The following OTOGL variants were observed in gnomAD, a reference collection of about 807,000 sequenced individuals.
OTOGL encodes otogelin-like protein.
In OTOGL, 285 loss-of-function variants were observed where a neutral mutation model predicts 318.5. The observed-to-expected ratio is 0.89, with a 90% confidence interval of 0.81 to 0.99. The LOEUF (loss-of-function observed/expected upper bound fraction) is 0.99. OTOGL is among the 50% of genes least tolerant of loss of function. The pLI, the probability that OTOGL is intolerant of heterozygous loss-of-function variation, is 0.00. For synonymous variants in OTOGL, 987 were observed against 936.5 expected, an observed-to-expected ratio of 1.05 and a Z score of -0.99; for missense variants, 2,899 against 2,845.6, an observed-to-expected ratio of 1.02 and a Z score of -0.43.
Position 80,355,748 on chromosome 12 carries a change from G to A in OTOGL, c.5606G>A (p.Ser1869Asn), listed in dbSNP as rs1889849587. The A allele has an allele frequency of 6.2e-7, 1 of 1,613,156 alleles. No individual in the cohort carries two copies. The highest frequency in any genetic ancestry group is 8.5e-7 in the Non-Finnish European group (1 of 1,179,384). ...TGATCTTTTTAAGCATGCACTGATA[G>A]TGAAGACCAACCCCGCACTGCTGGG... ...IPEKECACTDSEDQPRTAGEI... is the reference protein window; with the variant it reads ...IPEKECACTDNEDQPRTAGEI... Residue 1869 changes from serine to asparagine, a missense_variant, in exon 47 of 59, where the codon AGT becomes AAT. Around this residue, in one of 3 missense-constraint regions of OTOGL, gnomAD observed 2,607 missense variants for 2,524.9 expected, o/e 1.03. Coordinates refer to ENST00000547103, the MANE Select transcript of OTOGL (RefSeq NM_001378609.3).
intron 1 of OTOGL, among the ~76,000 whole-genome samples, chr12:80,107,080 T>C (rs6539487): frequency 0.64 from 97,308 of 151,950 alleles, 31,998 homozygotes; most frequent in African/African-American, 0.79. Context: ...CTTGCTCAGG[T>C]GTCTAGGATC....
chr12:80,191,818 C>A (rs1014618995), intron 1 of OTOGL, among the ~76,000 whole-genome samples: 1 of 152,192 alleles, frequency 6.6e-6, no homozygotes, highest in Non-Finnish European at 1.5e-5. Flanking sequence ...CAAATCATCT[C>A]GCTCTCTTGT....
Position 80,257,877 on chromosome 12 carries a change from A to T in OTOGL, c.1764A>T (p.Thr588=), listed in dbSNP as rs1163197870. The part of the protein sequence containing the change: ...LSSLFILLKT[T]FGLKILFAID... The stretch of plus-strand genomic sequence containing the variant: ...CCTTATTTATACTTCTAAAAACCAC[A>T]TTTGGTTTAAAGATTCTGTTTGCTA... Residue 588 remains threonine, a synonymous_variant, in exon 18 of 59, where the codon ACA becomes ACT. Coordinates refer to ENST00000547103, the MANE Select transcript of OTOGL (RefSeq NM_001378609.3). 1.3e-6 allele frequency: 2 copies of T among 1,593,780 alleles called. No homozygotes were observed. The highest frequency in any genetic ancestry group is 1.7e-6 in the Non-Finnish European group (2 of 1,177,166).
chr12:80,192,386 C>A (rs2137264541), intron 1 of OTOGL, among the ~76,000 whole-genome samples: 1 of 152,348 alleles, frequency 6.6e-6, no homozygotes, highest in Non-Finnish European at 1.5e-5. Context: ...AGGGACCCCT[C>A]CTCCCCATGG....
At position 80,238,850 on chromosome 12, in the gene OTOGL, GAGGACT is replaced by G; in HGVS notation, c.819_824del (p.Glu273_Tyr275delinsAsp). 1 of 1,530,032 alleles carries G rather than the reference GAGGACT, an allele frequency of 6.5e-7. No homozygotes were observed. Among genetic ancestry groups the G allele is most frequent in the South Asian group, 1.2e-5 (1 of 82,142 alleles). 94.8% of individuals were successfully genotyped at this position (1,530,032 alleles called of 1,614,324 possible). A position where few individuals can be genotyped will look rare whatever the true frequency, so the allele number is the denominator to read the frequency against. ...TGTGTGTGTGTGCCTGTGTGAAATA[GAGGACT>G]ATACAGAAGACATCGCTATGTTTGC... On this transcript the variant is annotated inframe_deletion and splice_region_variant, in exon 10 of 59. Coordinates refer to ENST00000547103, the MANE Select transcript of OTOGL (RefSeq NM_001378609.3).
chr12:80,159,416 C>G (rs1400252154), intron 1 of OTOGL, among the ~76,000 whole-genome samples: 1 of 152,050 alleles, frequency 6.6e-6, no homozygotes, highest in Non-Finnish European at 1.5e-5. Context: ...GGTACAAATT[C>G]TCTTTGAATG....
intron 7 of OTOGL, among the ~76,000 whole-genome samples, chr12:80,226,177 A>AACACACACACACACACACACAC (rs35975748): frequency 4.5e-5 from 6 of 132,896 alleles, no homozygotes; most frequent in Non-Finnish European, 6.5e-5. Context: ...TCCTGCTCCT[A>AACACACACACACACACACACAC]ACACACACAC....
rs112430701 is a variant in OTOGL, at chr12:80,271,680, G to A, written c.2551G>A (p.Asp851Asn). ...HICPEGKEYF[D>N]CRFPDPELPA... ...CTGCCCAGAGGGAAAAGAGTATTTC[G>A]ACTGCAGGTTTCCTGACCCTGAATT... is the stretch of plus-strand genomic sequence containing the variant. Residue 851 changes from aspartate (D) to asparagine (N), a missense_variant, in exon 24 of 59, where the codon GAC becomes AAC. By Grantham distance (23) the Asp-to-Asn change is conservative. This residue lies in a region of OTOGL where 2,607 missense variants were observed against 2,524.9 expected (regional missense o/e 1.03). Coordinates refer to ENST00000547103, the MANE Select transcript of OTOGL (RefSeq NM_001378609.3). 290 of 1,612,812 alleles carry A rather than the reference G, an allele frequency of 1.8e-4. No homozygotes were observed. In the African/African-American group the frequency reaches 1.8e-3, roughly 10 times the overall value.
chr12:80,138,792 AG>A (rs1285352141), intron 1 of OTOGL, among the ~76,000 whole-genome samples: 27 of 152,198 alleles, frequency 1.8e-4, no homozygotes, highest in African/African-American at 6.3e-4. Flanking sequence ...TTAAAGTCAG[AG>A]GGGTAAAATT....
intron 4 of OTOGL, 114 bp downstream of exon 4, chr12:80,212,111 A>G: frequency 9.1e-7 from 1 of 1,093,344 alleles, no homozygotes; most frequent in East Asian, 2.7e-5. Flanking sequence ...GCTAAGAACA[A>G]GACAGGAAGG....
At chr12:80,115,967 T>C (rs557223028) in intron 1 of OTOGL, among the ~76,000 whole-genome samples, 4 of 152,144 alleles carry the variant, frequency 2.6e-5, no homozygotes, top group African/African-American at 9.6e-5. Context: ...TTCAAGCCAG[T>C]GGATCTTAGC....
At chr12:80,329,895 G>GGGTA (rs1887963592) in intron 37 of OTOGL, among the ~76,000 whole-genome samples, 2 of 152,174 alleles carry the variant, frequency 1.3e-5, no homozygotes, top group Admixed American at 1.3e-4. Context: ...AGAGGCTGTT[G>GGGTA]CAATCTTACA....
intron 56 of OTOGL, 133 bp from the exon 57 acceptor site, chr12:80,371,886 T>C: frequency 2.3e-6 from 1 of 432,862 alleles, no homozygotes; most frequent in Non-Finnish European, 3.8e-6. Flanking sequence ...AATAGTTAAA[T>C]TCCAACTATT....
intron 4 of OTOGL, among the ~76,000 whole-genome samples, chr12:80,213,915 G>GGGTA (rs1555277633): frequency 6.6e-6 from 1 of 152,194 alleles, no homozygotes; most frequent in Non-Finnish European, 1.5e-5. Context: ...GAGCACCAAT[G>GGGTA]GGTAGATAAG....
At chr12:80,324,812 AT>A (rs909966341) in intron 35 of OTOGL, among the ~76,000 whole-genome samples, 1 of 152,338 alleles carries the variant, frequency 6.6e-6, no homozygotes. Flanking sequence ...AAGTTTTGCC[AT>A]TTTTGGTAGC....
At chr12:80,275,122 C>A in intron 24 of OTOGL, among the ~76,000 whole-genome samples, 1 of 151,842 alleles carries the variant, frequency 6.6e-6, no homozygotes, top group East Asian at 1.9e-4. Context: ...TTTCACAGGG[C>A]TATACCTGCC....
chr12:80,233,132 T>C, intron 9 of OTOGL, 35 bp downstream of exon 9: 3 of 1,520,878 alleles, frequency 2.0e-6, no homozygotes, highest in Non-Finnish European at 2.7e-6. Flanking sequence ...GGGTACCTTC[T>C]AAAGCCTTCT....
At chr12:80,262,228 T>TC in intron 19 of OTOGL, 135 bp downstream of exon 19, 1 of 975,076 alleles carries the variant, frequency 1.0e-6, no homozygotes, top group African/African-American at 1.7e-5. Context: ...ATTCCTCGTG[T>TC]ATTTTTTTTT....
At chr12:80,186,329 C>T (rs140380871) in intron 1 of OTOGL, among the ~76,000 whole-genome samples, 2 of 152,238 alleles carry the variant, frequency 1.3e-5, no homozygotes, top group East Asian at 1.9e-4. Context: ...CCTACTTAGC[C>T]GCGTCTCTCC....
Sources: gnomAD v4.1 joint callset for allele counts (sites outside exome capture counted in the v4.1 genomes callset) on GRCh38, gnomAD v4.1.1 for gene constraint, gnomAD v4.1.1 regional missense constraint, MANE v1.5 for transcripts, NCBI Gene and HGNC (gene_info 2026-07-23, HGNC 2026-07-21) for gene names.